Variants in LRGUK observed in about 807,000 individuals in gnomAD.
LRGUK encodes the protein leucine-rich repeat and guanylate kinase domain-containing protein.
A neutral mutation model predicts 76.0 loss-of-function variants in LRGUK; 65 were observed. That is an observed-to-expected ratio of 0.85 (90% CI 0.70 to 1.05). The LOEUF is 1.05. LRGUK is among the 50% of genes least tolerant of loss of function. The pLI is 0.00. For synonymous variants in LRGUK, 268 were observed against 265.6 expected, an observed-to-expected ratio of 1.01 and a Z score of -0.09; for missense variants, 758 against 732.8, an observed-to-expected ratio of 1.03 and a Z score of -0.40.
chr7:134,263,513 A>G (rs150011538), intron 19 of LRGUK, among the ~76,000 whole-genome samples: 2 of 150,718 alleles, frequency 1.3e-5, no homozygotes, highest in African/African-American at 4.8e-5. Flanking sequence ...TGCTTGCTGT[A>G]GCATCCTCTG....
chr7:134,164,499 A>G (rs959830892), intron 7 of LRGUK, among the ~76,000 whole-genome samples: 9 of 152,334 alleles, frequency 5.9e-5, no homozygotes, highest in South Asian at 2.1e-4. Context: ...TAATCATGGC[A>G]TATTAAGTTG....
At chr7:134,268,978 G>A (rs771081835), downstream of LRGUK, among the ~76,000 whole-genome samples, 42 of 151,544 alleles carry the variant, frequency 2.8e-4, no homozygotes, top group South Asian at 2.1e-4. Context: ...TGATCCTCCC[G>A]TCTCAGCCTC....
chr7:134,258,148 C>A, intron 18 of LRGUK, 109 bp from the exon 19 acceptor site: 2 of 1,356,606 alleles, frequency 1.5e-6, no homozygotes, highest in Non-Finnish European at 2.1e-6. Flanking sequence ...CCACTAACTA[C>A]TGTGAACTTG....
At chr7:134,192,396 G>A (rs185228362) in intron 12 of LRGUK, among the ~76,000 whole-genome samples, 211 of 152,266 alleles carry the variant, frequency 1.4e-3, no homozygotes, top group Middle Eastern at 0.014. Flanking sequence ...GTTTTTACAA[G>A]GTCAAGGTAA....
chr7:134,219,585 A>T (rs1250644749), intron 15 of LRGUK, among the ~76,000 whole-genome samples: 2 of 152,282 alleles, frequency 1.3e-5, no homozygotes, highest in Middle Eastern at 3.4e-3. Context: ...GTTCCAGTTC[A>T]TCTAGTCTTT....
chr7:134,158,607 T>G (rs1798584775), intron 6 of LRGUK, among the ~76,000 whole-genome samples: 1 of 152,254 alleles, frequency 6.6e-6, no homozygotes, highest in African/African-American at 2.4e-5. Context: ...ACAGTCCTTT[T>G]ATTTTAACAT....
At chr7:134,247,511 C>A (rs753602521) in intron 16 of LRGUK, 45 bp from the exon 17 acceptor site, 3 of 1,355,410 alleles carry the variant, frequency 2.2e-6, no homozygotes, top group Admixed American at 1.7e-5. Flanking sequence ...AATCATCTGA[C>A]ATTTTTAACA....
chr7:134,204,050 A>G (rs1800900358), intron 15 of LRGUK, among the ~76,000 whole-genome samples: 1 of 152,302 alleles, frequency 6.6e-6, no homozygotes, highest in African/African-American at 2.4e-5. Context: ...TGGCTTTTAA[A>G]TCAGCCTCTT....
chr7:134,271,098 A>C, the LRGUK span, among the ~76,000 whole-genome samples: 1 of 152,022 alleles, frequency 6.6e-6, no homozygotes, highest in Non-Finnish European at 1.5e-5. Flanking sequence ...CTTATTGGCC[A>C]CCTACAGTTC....
At chr7:134,139,116 T>TC (rs1797655665) in intron 2 of LRGUK, among the ~76,000 whole-genome samples, 1 of 152,112 alleles carries the variant, frequency 6.6e-6, no homozygotes, top group South Asian at 2.1e-4. Context: ...TTATTGCTAT[T>TC]GTGTGATTTA....
intron 16 of LRGUK, among the ~76,000 whole-genome samples, chr7:134,231,315 C>T (rs1801883977): frequency 6.6e-6 from 1 of 152,196 alleles, no homozygotes; most frequent in Non-Finnish European, 1.5e-5. Flanking sequence ...AGTTTATTGG[C>T]AGATGAGTTC....
intron 13 of LRGUK, among the ~76,000 whole-genome samples, chr7:134,198,149 C>T (rs977286531): frequency 6.6e-6 from 1 of 152,182 alleles, no homozygotes; most frequent in Non-Finnish European, 1.5e-5. Context: ...TATTTCCAAT[C>T]TTACTTCTCA....
At chr7:134,168,382 A>T (rs1316422779) in intron 7 of LRGUK, among the ~76,000 whole-genome samples, 2 of 152,062 alleles carry the variant, frequency 1.3e-5, no homozygotes, top group Non-Finnish European at 2.9e-5. Context: ...AAAAACAAAG[A>T]ATATTTGTTG....
At chr7:134,152,790 G>A (rs1798278660) in intron 5 of LRGUK, among the ~76,000 whole-genome samples, 1 of 152,088 alleles carries the variant, frequency 6.6e-6, no homozygotes, top group East Asian at 1.9e-4. Context: ...GTTCATAGCA[G>A]TATTGCTTGT....
chr7:134,130,914 A>C (rs962684018), intron 1 of LRGUK, among the ~76,000 whole-genome samples: 1 of 152,236 alleles, frequency 6.6e-6, no homozygotes, highest in African/African-American at 2.4e-5. Context: ...AATAATACTT[A>C]AAGAATTGTG....
At chr7:134,150,633 C>A (rs1424910836) in intron 5 of LRGUK, among the ~76,000 whole-genome samples, 4 of 152,136 alleles carry the variant, frequency 2.6e-5, no homozygotes, top group African/African-American at 9.7e-5. Context: ...GATCTCTTGT[C>A]CCCCAGAAAA....
chr7:134,181,194 G>T lies in LRGUK; in HGVS notation c.1215-2540G>T, dbSNP rs575395068. Among the ~76,000 whole-genome samples, 73 of 152,188 alleles carry T rather than the reference G, an allele frequency of 4.8e-4. No homozygotes were observed. In the Middle Eastern group the frequency reaches 0.02, roughly 43 times the overall value. On this transcript the variant is annotated intron_variant, in intron 10 of 15. Coordinates refer to ENST00000645682, the Ensembl canonical transcript of LRGUK. ...TTTTCTAGTATTTTCCTTAGGAAGG[G>T]ATATGGCATCAGTATCCTCTGAATT... is the stretch of plus-strand genomic sequence containing the variant.
intron 15 of LRGUK, among the ~76,000 whole-genome samples, chr7:134,205,565 A>G (rs1800969543): frequency 6.6e-6 from 1 of 152,234 alleles, no homozygotes; most frequent in African/African-American, 2.4e-5. Flanking sequence ...TTTTAGTATA[A>G]TGAATTTTTT....
intron 1 of LRGUK, among the ~76,000 whole-genome samples, chr7:134,132,931 C>T (rs1797373567): frequency 6.6e-6 from 1 of 152,178 alleles, no homozygotes; most frequent in South Asian, 2.1e-4. Flanking sequence ...AGTTGAGGCA[C>T]TGCACAGCTT....
Sources: allele counts gnomAD v4.1 joint callset (sites outside exome capture counted in the v4.1 genomes callset), GRCh38; gene constraint gnomAD v4.1.1; transcripts MANE v1.5; gene names NCBI Gene and HGNC (gene_info 2026-07-23, HGNC 2026-07-21).